The following MOBP variants were observed in gnomAD, a reference collection of about 807,000 sequenced individuals.
MOBP encodes myelin associated oligodendrocyte basic protein.
Under a neutral mutation model 15.0 loss-of-function variants are expected in MOBP, and 5 were observed. That is an observed-to-expected ratio of 0.33 (90% CI 0.17 to 0.70). MOBP has a LOEUF of 0.70. MOBP is among the 30% of genes least tolerant of loss of function. The pLI is 0.67. For missense variants in MOBP, 188 were observed against 257.8 expected, an observed-to-expected ratio of 0.73 and a Z score of 1.85; for synonymous variants, 88 against 99.0, an observed-to-expected ratio of 0.89 and a Z score of 0.66.
chr3:39,476,237 A>G (rs571660509), intron 1 of MOBP, among the ~76,000 whole-genome samples: 4 of 152,228 alleles, frequency 2.6e-5, no homozygotes, highest in Non-Finnish European at 4.4e-5. Flanking sequence ...ATGAGAAACC[A>G]TGATCCAATC....
intron 1 of MOBP, among the ~76,000 whole-genome samples, chr3:39,472,752 C>T (rs866033476): frequency 6.6e-6 from 1 of 152,098 alleles, no homozygotes; most frequent in Non-Finnish European, 1.5e-5. Flanking sequence ...ATGGGGGGAC[C>T]CCATCTCCAC....
At chr3:39,480,250 G>A (rs971591705) in intron 2 of MOBP, 127 bp downstream of exon 2, 1 of 152,236 alleles carries the variant, frequency 6.6e-6, no homozygotes, top group Admixed American at 6.5e-5. Context: ...TTTTCAGTAA[G>A]AGTTAAACAC....
At chr3:39,523,053 A>G (rs970385192) in intron 3 of MOBP, among the ~76,000 whole-genome samples, 3 of 152,234 alleles carry the variant, frequency 2.0e-5, no homozygotes, top group Admixed American at 2.0e-4. Context: ...CAGAGTATCT[A>G]GAAGTAGATG....
At chr3:39,505,084 C>T (rs1311148560), downstream of MOBP, among the ~76,000 whole-genome samples, 1 of 152,236 alleles carries the variant, frequency 6.6e-6, no homozygotes, top group Non-Finnish European at 1.5e-5. Flanking sequence ...CGTGGCATCT[C>T]CCTCTTAGTT....
chr3:39,495,975 A>G (rs1177835774), intron 2 of MOBP, among the ~76,000 whole-genome samples: 1 of 151,886 alleles, frequency 6.6e-6, no homozygotes, highest in Non-Finnish European at 1.5e-5. Flanking sequence ...ATTTATTACA[A>G]ATTTTAAAAA....
chr3:39,513,231 C>T, intron 4 of MOBP: 5 of 578,476 alleles, frequency 8.6e-6, no homozygotes, highest in Non-Finnish European at 1.4e-5. Flanking sequence ...CCAGAGACTA[C>T]CAGAATTAAG....
chr3:39,513,530 C>A, exon 5 of MOBP: 1 of 1,125,706 alleles, frequency 8.9e-7, no homozygotes, highest in Non-Finnish European at 1.3e-6. Context: ...TATGCAGGGG[C>A]AAACACCTGC....
downstream of MOBP, among the ~76,000 whole-genome samples, chr3:39,505,391 C>CAGCAG (rs1374561463): frequency 3.3e-5 from 5 of 152,194 alleles, no homozygotes; most frequent in Non-Finnish European, 7.3e-5. Context: ...TTCCAGGTAA[C>CAGCAG]AGCAGAGCTA....
chr3:39,479,704 G>A (rs2042599527), intron 1 of MOBP, among the ~76,000 whole-genome samples: 1 of 151,746 alleles, frequency 6.6e-6, no homozygotes, highest in South Asian at 2.1e-4. Context: ...CATTTATCAA[G>A]TTTATAAGCA....
At chr3:39,518,556 A>G (rs1185360660), downstream of MOBP, among the ~76,000 whole-genome samples, 4 of 152,318 alleles carry the variant, frequency 2.6e-5, no homozygotes, top group East Asian at 7.7e-4. Flanking sequence ...GCCATTCTCT[A>G]TTAATGAAAC....
At chr3:39,503,831 T>G (rs1041371159), downstream of MOBP, among the ~76,000 whole-genome samples, 1 of 152,114 alleles carries the variant, frequency 6.6e-6, no homozygotes, top group East Asian at 1.9e-4. Context: ...ATCTACTATG[T>G]GTAGGTATCA....
At chr3:39,508,485 T>G (rs1385373463) in intron 4 of MOBP, among the ~76,000 whole-genome samples, 1 of 152,148 alleles carries the variant, frequency 6.6e-6, no homozygotes, top group African/African-American at 2.4e-5. Context: ...TGGAATTATG[T>G]AATATTATAG....
At chr3:39,486,114 C>T (rs890678766) in intron 2 of MOBP, among the ~76,000 whole-genome samples, 1 of 152,138 alleles carries the variant, frequency 6.6e-6, no homozygotes, top group Non-Finnish European at 1.5e-5. Context: ...TTGCTTTCCT[C>T]CTGTTCAAGT....
At chr3:39,490,524 G>A (rs1424316746) in intron 2 of MOBP, among the ~76,000 whole-genome samples, 2 of 152,088 alleles carry the variant, frequency 1.3e-5, no homozygotes, top group African/African-American at 4.8e-5. Flanking sequence ...ACCAGATTAT[G>A]AAAATTGTAA....
Position 39,502,808 on chromosome 3 carries a change from G to A in MOBP, c.480G>A (p.Pro160=), listed in dbSNP as rs2042993667. 6.5e-7 allele frequency: 1 copy of A among 1,533,334 alleles called. No individual in the cohort carries two copies. Among genetic ancestry groups the A allele is most frequent in the African/African-American group, 1.4e-5 (1 of 72,974 alleles). The allele number at this position is 1,533,334 out of a possible 1,614,324, so 95.0% of individuals were successfully genotyped here. The change falls in exon 4 of 4, where the codon CCG becomes CCA. Residue 160 remains proline (P), a synonymous_variant. Transcript: ENST00000684792. The surrounding 1 kb of genome is among the most constrained non-coding windows in gnomAD (Gnocchi z 6.3). The stretch of plus-strand genomic sequence containing the variant: ...CCCCTCAGAAGTCCAAGCAACAGCC[G>A]CGCAGCAGCCCCCTCAGAGGGCCAG... ...QRPPQKSKQQ[P]RSSPLRGPGA... is the part of the protein sequence containing the mutation.
chr3:39,502,445 C>A lies in MOBP; in HGVS notation c.207-90C>A. 2 of 1,528,452 alleles carry A rather than the reference C, an allele frequency of 1.3e-6. No individual in the cohort carries two copies. Among genetic ancestry groups the A allele is most frequent in the Non-Finnish European group, 1.7e-6 (2 of 1,143,164 alleles). The allele number at this position is 1,528,452 out of a possible 1,614,324, so 94.7% of individuals were successfully genotyped here. Reference sequence around the variant, plus strand: ...TGGAAGGTGGGTGGGGGAGCAGGGCCTTCCTACCTGTTTCCAGCTCCTGCC... The same window carrying A: ...TGGAAGGTGGGTGGGGGAGCAGGGCATTCCTACCTGTTTCCAGCTCCTGCC... On this transcript the variant is annotated intron_variant, in intron 3 of 3. Transcript: ENST00000684792. The surrounding 1 kb of genome is among the most constrained non-coding windows in gnomAD (Gnocchi z 6.3).
chr3:39,499,060 C>T (rs1416096284), intron 2 of MOBP, among the ~76,000 whole-genome samples: 2 of 152,088 alleles, frequency 1.3e-5, no homozygotes, highest in African/African-American at 2.4e-5. Flanking sequence ...GTGCCTGAGC[C>T]GTTTGGGAAA....
chr3:39,525,509 A>G (rs951819734), downstream of MOBP: 2 of 152,380 alleles, frequency 1.3e-5, no homozygotes, highest in African/African-American at 4.8e-5. Context: ...AAGAAAGAGC[A>G]TCAGGAACAG....
At chr3:39,525,445 T>C (rs1042313192), downstream of MOBP, 1 of 152,020 alleles carries the variant, frequency 6.6e-6, no homozygotes, top group Non-Finnish European at 1.5e-5. Context: ...TTGCAGAATG[T>C]GGAGGGATGT....
Sources: allele counts gnomAD v4.1 joint callset (sites outside exome capture counted in the v4.1 genomes callset), GRCh38; gene constraint gnomAD v4.1.1; non-coding constraint Gnocchi (gnomAD v3.1); transcripts MANE v1.5; gene names NCBI Gene and HGNC (gene_info 2026-07-23, HGNC 2026-07-21).